The following DLGAP2 variants were observed in gnomAD, a reference collection of about 807,000 sequenced individuals.
The protein encoded by DLGAP2 is disks large-associated protein 2.
In DLGAP2, 26 loss-of-function variants were observed where a neutral mutation model predicts 100.3. The ratio of observed to expected loss-of-function variants is 0.26; its 90% CI spans 0.19 to 0.36. The LOEUF (loss-of-function observed/expected upper bound fraction) is 0.36. DLGAP2 is among the 10% of genes least tolerant of loss of function. The pLI is 1.00. For missense variants in DLGAP2, 1,858 were observed against 1,453.2 expected, an observed-to-expected ratio of 1.28 and a Z score of -4.53; for synonymous variants, 886 against 630.1, an observed-to-expected ratio of 1.41 and a Z score of -6.08.
At chr8:1,390,315 T>A (rs1023164591) in intron 3 of DLGAP2, among the ~76,000 whole-genome samples, 7 of 152,210 alleles carry the variant, frequency 4.6e-5, no homozygotes, top group Non-Finnish European at 8.8e-5. Context: ...TGTGCTTGTA[T>A]CTTTACAAAC....
At chr8:1,131,496 C>T (rs1464855044) in intron 2 of DLGAP2, among the ~76,000 whole-genome samples, 2 of 152,160 alleles carry the variant, frequency 1.3e-5, no homozygotes, top group Non-Finnish European at 2.9e-5. Flanking sequence ...CTTGGGTTCT[C>T]CACCACCCAC....
intron 1 of DLGAP2, among the ~76,000 whole-genome samples, chr8:876,611 G>C (rs1797690613): frequency 6.6e-6 from 1 of 152,148 alleles, no homozygotes; most frequent in Admixed American, 6.6e-5. Context: ...TTATCTGTTT[G>C]TAACTCTCTT....
At chr8:1,393,052 G>C (rs1483433137) in intron 3 of DLGAP2, among the ~76,000 whole-genome samples, 2 of 43,680 alleles carry the variant, frequency 4.6e-5, no homozygotes, top group African/African-American at 1.9e-4. Flanking sequence ...AGTGCTTACT[G>C]AGCGCCACCT....
intron 2 of DLGAP2, among the ~76,000 whole-genome samples, chr8:1,230,145 A>T (rs1312873869): frequency 6.6e-6 from 1 of 152,352 alleles, no homozygotes; most frequent in African/African-American, 2.4e-5. Context: ...CCTGGAACTG[A>T]TAAAGAAAAT....
At chr8:1,061,628 T>A (rs1173982486) in intron 2 of DLGAP2, among the ~76,000 whole-genome samples, 1 of 151,998 alleles carries the variant, frequency 6.6e-6, no homozygotes, top group Non-Finnish European at 1.5e-5. Flanking sequence ...CCCCAAACTG[T>A]TGCTGTCACA....
intron 2 of DLGAP2, among the ~76,000 whole-genome samples, chr8:1,091,899 C>T (rs545223155): frequency 2.6e-5 from 4 of 152,172 alleles, no homozygotes; most frequent in Non-Finnish European, 5.9e-5. Context: ...CTCTAACGCA[C>T]AGCTCCCCAC....
chr8:1,149,369 G>C (rs904502539), intron 2 of DLGAP2, among the ~76,000 whole-genome samples: 2 of 151,968 alleles, frequency 1.3e-5, no homozygotes, highest in Admixed American at 1.3e-4. Flanking sequence ...GGATGGTCTC[G>C]ATCTCCGGAC....
chr8:1,349,980 T>C (rs1281390182), intron 3 of DLGAP2, among the ~76,000 whole-genome samples: 1 of 152,236 alleles, frequency 6.6e-6, no homozygotes, highest in Non-Finnish European at 1.5e-5. Flanking sequence ...CTATTTTTTT[T>C]CAGCAACCAA....
intron 2 of DLGAP2, among the ~76,000 whole-genome samples, chr8:1,036,345 G>A (rs981581664): frequency 1.1e-4 from 17 of 152,276 alleles, no homozygotes; most frequent in Admixed American, 1.1e-3. Flanking sequence ...AGTGGATGCT[G>A]GCTTGGGGAG....
intron 2 of DLGAP2, among the ~76,000 whole-genome samples, chr8:923,184 C>T (rs138902996): frequency 6.6e-6 from 1 of 152,188 alleles, no homozygotes; most frequent in East Asian, 1.9e-4. Flanking sequence ...GACGGGTGGT[C>T]TGTGTCAGTC....
chr8:1,606,857 G>T (rs2130719526), intron 6 of DLGAP2, among the ~76,000 whole-genome samples: 1 of 152,176 alleles, frequency 6.6e-6, no homozygotes, highest in Non-Finnish European at 1.5e-5. Context: ...CTAAGTTTTT[G>T]TATTTTTGGT....
chr8:1,577,717 C>T (rs1360698779), intron 6 of DLGAP2, among the ~76,000 whole-genome samples: 4 of 152,168 alleles, frequency 2.6e-5, no homozygotes, highest in Non-Finnish European at 5.9e-5. Context: ...TCAAGAGCAG[C>T]CCGGGGCCAG....
At chr8:924,136 C>G (rs1798767781) in intron 2 of DLGAP2, among the ~76,000 whole-genome samples, 1 of 152,188 alleles carries the variant, frequency 6.6e-6, no homozygotes, top group African/African-American at 2.4e-5. Flanking sequence ...CTCTGGTTTT[C>G]AGTTTCTAGT....
At chr8:1,366,919 C>T (rs562774982) in intron 3 of DLGAP2, among the ~76,000 whole-genome samples, 3 of 152,138 alleles carry the variant, frequency 2.0e-5, no homozygotes, top group African/African-American at 7.2e-5. Flanking sequence ...TGACCACAGA[C>T]CCCGGTAAAT....
chr8:1,545,573 C>T (rs1274407725), intron 4 of DLGAP2, among the ~76,000 whole-genome samples: 2 of 152,092 alleles, frequency 1.3e-5, no homozygotes, highest in Non-Finnish European at 2.9e-5. Context: ...ATTACCAGCC[C>T]CTAAGTATTT....
intron 2 of DLGAP2, among the ~76,000 whole-genome samples, chr8:1,041,387 G>A (rs772542954): frequency 3.9e-5 from 6 of 152,178 alleles, no homozygotes; most frequent in Non-Finnish European, 7.4e-5. Flanking sequence ...GTCGACATCC[G>A]CCCTGGCCAG....
At chr8:1,390,664 G>A (rs899671429) in intron 3 of DLGAP2, among the ~76,000 whole-genome samples, 4 of 152,126 alleles carry the variant, frequency 2.6e-5, no homozygotes, top group Non-Finnish European at 4.4e-5. Context: ...CCATTGAGCC[G>A]CCAAGCTCTG....
At chr8:1,370,567 C>A (rs933890854) in intron 3 of DLGAP2, among the ~76,000 whole-genome samples, 1 of 152,146 alleles carries the variant, frequency 6.6e-6, no homozygotes, top group Non-Finnish European at 1.5e-5. Context: ...GCTGAAAAGT[C>A]AATTTTACAA....
chr8:1,373,725 C>T (rs576932906), intron 3 of DLGAP2: 33 of 152,360 alleles, frequency 2.2e-4, no homozygotes, highest in African/African-American at 6.5e-4. Flanking sequence ...AACGCTGTGG[C>T]CTCTCCAGCT....
Sources: allele counts gnomAD v4.1 joint callset (sites outside exome capture counted in the v4.1 genomes callset), GRCh38; gene constraint gnomAD v4.1.1; transcripts MANE v1.5; gene names NCBI Gene and HGNC (gene_info 2026-07-23, HGNC 2026-07-21).